The following RAB38 variants were observed in gnomAD, a reference collection of about 807,000 sequenced individuals.
RAB38 encodes the protein ras-related protein Rab-38.
In RAB38, 15 loss-of-function variants were observed where a neutral mutation model predicts 18.4. The ratio of observed to expected loss-of-function variants is 0.82; its 90% CI spans 0.55 to 1.26. The LOEUF (loss-of-function observed/expected upper bound fraction) is 1.26. Among genes scored for constraint, RAB38 ranks in the 50% most tolerant of loss-of-function variants. The probability of loss-of-function intolerance (pLI) is 0.00; values close to 1 mark genes in which losing one functional copy is unlikely to be tolerated. For missense variants in RAB38, 294 were observed against 267.4 expected (o/e 1.10, Z -0.69); for synonymous variants, 101 against 104.4 (o/e 0.97, Z 0.20).
At chr11:88,033,425 G>A in the RAB38 span, among the ~76,000 whole-genome samples, 1 of 151,850 alleles carries the variant, frequency 6.6e-6, no homozygotes, top group Non-Finnish European at 1.5e-5. Flanking sequence ...TTAACATGGT[G>A]AAACACATTG....
chr11:88,042,435 T>C, the RAB38 span, among the ~76,000 whole-genome samples: 5 of 152,220 alleles, frequency 3.3e-5, no homozygotes, highest in Non-Finnish European at 5.9e-5. Context: ...ATTATTCCTG[T>C]CTGACACTGT....
chr11:87,899,175 G>A, the RAB38 span, among the ~76,000 whole-genome samples: 1 of 151,642 alleles, frequency 6.6e-6, no homozygotes, highest in Admixed American at 6.6e-5. Flanking sequence ...TATGAAGAAT[G>A]CAGTCCAGAG....
At chr11:87,937,311 C>CATATATATATATATATATAT in the RAB38 span, among the ~76,000 whole-genome samples, 6 of 82,686 alleles carry the variant, frequency 7.3e-5, no homozygotes, top group East Asian at 4.0e-4. Flanking sequence ...ACTTGGTCAT[C>CATATATATATATATATATAT]ATATATATAT....
chr11:87,938,741 G>T, the RAB38 span, among the ~76,000 whole-genome samples: 57 of 148,600 alleles, frequency 3.8e-4, no homozygotes, highest in African/African-American at 1.3e-3. Flanking sequence ...TTTCCAGATT[G>T]ATGGGTTCTT....
At chr11:87,955,071 GAGCTGCAAAGC>G in the RAB38 span, among the ~76,000 whole-genome samples, 37 of 152,302 alleles carry the variant, frequency 2.4e-4, no homozygotes, top group East Asian at 6.2e-3. Flanking sequence ...AGCATAGTGG[GAGCTGCAAAGC>G]AGCTGTGCAT....
chr11:87,921,497 T>A, the RAB38 span, among the ~76,000 whole-genome samples: 7 of 150,956 alleles, frequency 4.6e-5, no homozygotes, highest in African/African-American at 1.7e-4. Flanking sequence ...GACATGATAT[T>A]TTCAGCTTAT....
At chr11:88,065,327 C>G in the RAB38 span, among the ~76,000 whole-genome samples, 9 of 152,292 alleles carry the variant, frequency 5.9e-5, no homozygotes, top group Admixed American at 2.6e-4. Flanking sequence ...ATCTAATATT[C>G]CTAACATTCT....
the RAB38 span, among the ~76,000 whole-genome samples, chr11:87,840,368 G>C: frequency 6.6e-6 from 1 of 152,184 alleles, no homozygotes; most frequent in Non-Finnish European, 1.5e-5. Flanking sequence ...AACTAAGGTG[G>C]CCAAGTGGTA....
At chr11:87,905,818 C>T in the RAB38 span, among the ~76,000 whole-genome samples, 611 of 152,048 alleles carry the variant, frequency 4.0e-3, 6 homozygotes, top group African/African-American at 0.014. Context: ...CAATCTAGAG[C>T]TCCTTTTCTT....
chr11:87,869,661 T>G, the RAB38 span, among the ~76,000 whole-genome samples: 1 of 151,686 alleles, frequency 6.6e-6, no homozygotes, highest in African/African-American at 2.4e-5. Context: ...AAAAAATAAC[T>G]TTAGGGTTCT....
At chr11:88,036,871 C>A in the RAB38 span, among the ~76,000 whole-genome samples, 62 of 151,922 alleles carry the variant, frequency 4.1e-4, no homozygotes, top group African/African-American at 1.4e-3. Context: ...GTATTATTTC[C>A]TTGACACCTT....
chr11:87,966,249 G>A, the RAB38 span, among the ~76,000 whole-genome samples: 1 of 152,176 alleles, frequency 6.6e-6, no homozygotes, highest in East Asian at 1.9e-4. Context: ...CCCTTCATAG[G>A]GGGAGGGCTT....
At chr11:87,835,205 AGAAACCAAGG>A in the RAB38 span, among the ~76,000 whole-genome samples, 1 of 152,238 alleles carries the variant, frequency 6.6e-6, no homozygotes, top group African/African-American at 2.4e-5. Context: ...GTAAATGAGC[AGAAACCAAGG>A]GAAGCCAAGG....
the RAB38 span, among the ~76,000 whole-genome samples, chr11:88,074,716 A>G: frequency 6.6e-6 from 1 of 152,182 alleles, no homozygotes; most frequent in African/African-American, 2.4e-5. Flanking sequence ...CAATAATACC[A>G]GTGAATCTAA....
At chr11:88,043,684 C>T in the RAB38 span, among the ~76,000 whole-genome samples, 1 of 151,062 alleles carries the variant, frequency 6.6e-6, no homozygotes, top group East Asian at 2.0e-4. Context: ...AATGTCCCCA[C>T]CCCATCTCCC....
chr11:88,169,565 T>C (rs934304741), intron 1 of RAB38, among the ~76,000 whole-genome samples: 1 of 152,180 alleles, frequency 6.6e-6, no homozygotes, highest in Non-Finnish European at 1.5e-5. Flanking sequence ...GTCATCTGCA[T>C]AGAGTTAAAG....
At chr11:87,883,981 T>C in the RAB38 span, among the ~76,000 whole-genome samples, 1 of 151,934 alleles carries the variant, frequency 6.6e-6, no homozygotes, top group Admixed American at 6.6e-5. Context: ...GAGTGTGTGG[T>C]GATCGGTTAT....
chr11:87,941,214 G>GAGATATATATAT, the RAB38 span, among the ~76,000 whole-genome samples: 6 of 62,536 alleles, frequency 9.6e-5, no homozygotes, highest in African/African-American at 1.5e-4. Context: ...AAATATATGA[G>GAGATATATATAT]ATATATATAT....
chr11:88,109,869 C>T (rs184296255), downstream of RAB38, among the ~76,000 whole-genome samples: 463 of 152,238 alleles, frequency 3.0e-3, 1 homozygote, highest in African/African-American at 0.011. Flanking sequence ...CAGGAAACAA[C>T]GGATGCTGGA....
Sources: gnomAD v4.1 joint callset for allele counts (sites outside exome capture counted in the v4.1 genomes callset) on GRCh38, gnomAD v4.1.1 for gene constraint, MANE v1.5 for transcripts, NCBI Gene and HGNC (gene_info 2026-07-23, HGNC 2026-07-21) for gene names.